Variants in SNX13 observed in about 807,000 individuals in gnomAD.
SNX13 encodes the protein sorting nexin-13.
A neutral mutation model predicts 133.6 loss-of-function variants in SNX13; 45 were observed. That is an observed-to-expected ratio of 0.34 (90% CI 0.27 to 0.43). The LOEUF (loss-of-function observed/expected upper bound fraction) is 0.43, where lower values mean the gene tolerates loss of function less well. SNX13 is among the 20% of genes least tolerant of loss of function. SNX13 has a pLI of 1.00. For synonymous variants in SNX13, 414 were observed against 373.9 expected, an observed-to-expected ratio of 1.11 and a Z score of -1.24; for missense variants, 1,032 against 1,145.1, an observed-to-expected ratio of 0.90 and a Z score of 1.43.
At chr7:17,837,333 T>C (rs529326002) in intron 13 of SNX13, among the ~76,000 whole-genome samples, 1 of 152,070 alleles carries the variant, frequency 6.6e-6, no homozygotes, top group African/African-American at 2.4e-5. Flanking sequence ...AGATACAAGA[T>C]CTTGCTATGT....
At chr7:17,900,901 A>G (rs1370615889) in intron 1 of SNX13, among the ~76,000 whole-genome samples, 2 of 152,000 alleles carry the variant, frequency 1.3e-5, no homozygotes. Flanking sequence ...TAGTTACCAC[A>G]ACTGGAAATG....
At chr7:17,887,732 A>G (rs942882425) in intron 5 of SNX13, among the ~76,000 whole-genome samples, 2 of 152,206 alleles carry the variant, frequency 1.3e-5, no homozygotes, top group Non-Finnish European at 2.9e-5. Flanking sequence ...TTTTACAGTG[A>G]CATTCTCTAA....
chr7:17,895,574 G>C (rs1387654088), intron 2 of SNX13, among the ~76,000 whole-genome samples: 1 of 152,054 alleles, frequency 6.6e-6, no homozygotes, highest in Admixed American at 6.6e-5. Context: ...GAGTTTTTTA[G>C]TACCCATTAT....
intron 19 of SNX13, among the ~76,000 whole-genome samples, chr7:17,815,249 G>A (rs1486132266): frequency 6.6e-6 from 1 of 152,086 alleles, no homozygotes; most frequent in Non-Finnish European, 1.5e-5. Flanking sequence ...GAAGATCCAC[G>A]TTAGAAAACT....
chr7:17,938,022 G>T (rs1318638708), intron 1 of SNX13, among the ~76,000 whole-genome samples: 1 of 152,152 alleles, frequency 6.6e-6, no homozygotes, highest in Non-Finnish European at 1.5e-5. Context: ...GCTGATCTAA[G>T]TCAGCAATGT....
chr7:17,840,231 C>T (rs548548010), intron 12 of SNX13, among the ~76,000 whole-genome samples: 1 of 152,116 alleles, frequency 6.6e-6, no homozygotes, highest in South Asian at 2.1e-4. Context: ...TTTTTTCAAT[C>T]CCACTTTTCA....
At chr7:17,867,927 A>AG (rs897128891) in intron 9 of SNX13, among the ~76,000 whole-genome samples, 12 of 152,272 alleles carry the variant, frequency 7.9e-5, no homozygotes, top group African/African-American at 2.9e-4. Context: ...TATGTCTGAC[A>AG]GAAGAAAACT....
At chr7:17,881,179 AT>A (rs1350129267) in intron 5 of SNX13, 1 of 152,044 alleles carries the variant, frequency 6.6e-6, no homozygotes, top group Non-Finnish European at 1.5e-5. Flanking sequence ...AACAGTAAGA[AT>A]GGTAGAGTAT....
At chr7:17,838,527 T>C (rs1466158546) in intron 13 of SNX13, among the ~76,000 whole-genome samples, 1 of 151,910 alleles carries the variant, frequency 6.6e-6, no homozygotes, top group African/African-American at 2.4e-5. Context: ...CTTGGATTTA[T>C]TTTTCATTTC....
At position 17,875,461 on chromosome 7, in the gene SNX13, A is replaced by C. The variant is rs756462981; in HGVS notation, c.664+19T>G. 2.5e-6 allele frequency: 4 copies of C among 1,598,680 alleles called. No homozygotes were observed. The South Asian group carries it at 4.5e-5, about 18-fold the overall frequency. ...TCTAGCCAGCTACTATTGTCAAAAA[A>C]GTTAAATTAAAAGAAAACCTTCTTC... On this transcript the variant is annotated intron_variant, in intron 7 of 25. Coordinates refer to ENST00000428135, the MANE Select transcript of SNX13 (RefSeq NM_015132.5).
chr7:17,915,556 G>A (rs1340471340), intron 1 of SNX13, among the ~76,000 whole-genome samples: 1 of 152,166 alleles, frequency 6.6e-6, no homozygotes, highest in Non-Finnish European at 1.5e-5. Context: ...TCTGACTGTG[G>A]TGGAGCAGCC....
chr7:17,907,909 C>A (rs1798568235), intron 1 of SNX13, among the ~76,000 whole-genome samples: 1 of 152,166 alleles, frequency 6.6e-6, no homozygotes, highest in Admixed American at 6.6e-5. Context: ...TTCTAGTCCA[C>A]CATTTATATG....
chr7:17,796,888 A>G lies in SNX13; in HGVS notation c.2565T>C (p.Asp855=), dbSNP rs1032583279. The change falls in exon 25 of 26, where the codon GAT becomes GAC. Residue 855 remains aspartate, a synonymous_variant. Transcript: ENST00000428135. The part of the protein sequence containing the change: ...GILAEAVPCR[D]KSIRMRTRVA... Reference sequence around the variant, plus strand: ...CTCTTGTTCTCATTCGAATACTTTTATCTCTGCATGGAACAGCCTCTGCTA... The same window carrying G: ...CTCTTGTTCTCATTCGAATACTTTTGTCTCTGCATGGAACAGCCTCTGCTA... The G allele has an allele frequency of 6.2e-7, 1 of 1,611,274 alleles. No homozygotes were observed. The highest frequency in any genetic ancestry group is 8.5e-7 in the Non-Finnish European group (1 of 1,178,236).
In SNX13 at chr7:17,837,476, T is replaced by A. The variant is rs916787453; in HGVS notation, c.1359+2331A>T. Among the ~76,000 whole-genome samples, 4 of 152,102 alleles carry A rather than the reference T, an allele frequency of 2.6e-5. No homozygotes were observed. In the South Asian group the frequency reaches 8.3e-4, roughly 32 times the overall value. On this transcript the variant is annotated intron_variant, in intron 13 of 25. Transcript: ENST00000428135. Reference sequence around the variant, plus strand: ...TCAACAAAATAATTTGGGAATGTAATAATTGGGATTTTACTTATTAAAAAC... The same window carrying A: ...TCAACAAAATAATTTGGGAATGTAAAAATTGGGATTTTACTTATTAAAAAC...
chr7:17,804,362 A>G (rs944957240), intron 20 of SNX13, among the ~76,000 whole-genome samples: 3 of 152,156 alleles, frequency 2.0e-5, no homozygotes, highest in African/African-American at 7.2e-5. Flanking sequence ...ACTAATAAGT[A>G]TTTGATTTAT....
chr7:17,867,978 C>T (rs1027010107), intron 9 of SNX13, among the ~76,000 whole-genome samples: 1 of 152,126 alleles, frequency 6.6e-6, no homozygotes, highest in African/African-American at 2.4e-5. Context: ...CTTACAGAAA[C>T]ATCTAGAATC....
intron 1 of SNX13, among the ~76,000 whole-genome samples, chr7:17,935,006 A>T (rs1013023568): frequency 6.6e-6 from 1 of 152,210 alleles, no homozygotes; most frequent in African/African-American, 2.4e-5. Flanking sequence ...ACTACCATAC[A>T]ATCTCACTCC....
chr7:17,883,488 T>C (rs887026351), intron 5 of SNX13, among the ~76,000 whole-genome samples: 2 of 152,244 alleles, frequency 1.3e-5, no homozygotes, highest in African/African-American at 4.8e-5. Context: ...ATTTCTTCTA[T>C]AGTGAAATGT....
intron 13 of SNX13, among the ~76,000 whole-genome samples, chr7:17,836,095 C>T (rs1789100572): frequency 6.6e-6 from 1 of 151,868 alleles, no homozygotes; most frequent in African/African-American, 2.4e-5. Flanking sequence ...TTTACTTTTT[C>T]CTATATATCT....
Sources: gnomAD v4.1 joint callset for allele counts (sites outside exome capture counted in the v4.1 genomes callset) on GRCh38, gnomAD v4.1.1 for gene constraint, MANE v1.5 for transcripts, NCBI Gene and HGNC (gene_info 2026-07-23, HGNC 2026-07-21) for gene names.